Variants in ERI2 observed in about 807,000 individuals in gnomAD.
ERI2 encodes ERI1 exoribonuclease family member 2, also known as ERI1 exoribonuclease 2.
ERI2 carries 35 observed loss-of-function variants against 46.8 expected under a neutral mutation model. That is an observed-to-expected ratio of 0.75 (90% CI 0.57 to 0.99). ERI2 has a LOEUF of 0.99. ERI2 is among the 50% of genes least tolerant of loss of function. ERI2 has a pLI of 0.00. For synonymous variants in ERI2, 224 were observed against 271.0 expected (o/e 0.83, Z 1.70); for missense variants, 695 against 796.2 (o/e 0.87, Z 1.53).
chr16:20,781,012 A>G (rs564108348), intron 10 of ERI2: 12 of 1,614,074 alleles, frequency 7.4e-6, no homozygotes, highest in Admixed American at 1.7e-5. Flanking sequence ...GTGATGTGGA[A>G]TACCTCAGAT....
chr16:20,794,850 A>G (rs147498324), downstream of ERI2, among the ~76,000 whole-genome samples: 1 of 152,352 alleles, frequency 6.6e-6, no homozygotes, highest in South Asian at 2.1e-4. Flanking sequence ...CTGACTTCAG[A>G]GTTCATACTC....
intron 1 of ERI2, 183 bp downstream of exon 1, chr16:20,806,225 G>A: frequency 7.1e-7 from 1 of 1,412,812 alleles, no homozygotes; most frequent in Non-Finnish European, 9.2e-7. Flanking sequence ...GTGGCCCAAG[G>A]CTGAAGACCG....
At chr16:20,805,349 C>T (rs968455360) in intron 1 of ERI2, among the ~76,000 whole-genome samples, 11 of 151,460 alleles carry the variant, frequency 7.3e-5, no homozygotes, top group South Asian at 4.2e-4. Flanking sequence ...GACTTGAACC[C>T]GGGAGGCAGA....
Position 20,799,395 on chromosome 16 carries a change from C to T in ERI2, c.644-44G>A. 3 of 1,566,172 alleles carry T rather than the reference C, an allele frequency of 1.9e-6. No individual in the cohort carries two copies. The African/African-American group carries it at 4.1e-5, about 21-fold the overall frequency. On this transcript the variant is annotated intron_variant, in intron 7 of 8. Coordinates refer to ENST00000357967, the MANE Select transcript of ERI2 (RefSeq NM_001142725.2). ...AACACTGAATTTAGTGGTACTAGTA[C>T]TATTTCCTTAGTACTAAAGAAATAA...
downstream of ERI2, chr16:20,792,270 C>CTGAA (rs760714187): frequency 4.3e-6 from 7 of 1,614,084 alleles, no homozygotes; most frequent in South Asian, 6.6e-5. Flanking sequence ...AGAAAATGCC[C>CTGAA]TGAATGAACA....
Position 20,799,462 on chromosome 16 carries a change from G to A in ERI2, c.644-111C>T, listed in dbSNP as rs976109378. ...CCACTTGTGTAGAAATTGGAACACA[G>A]TTTTAGTTTTATGACCATCTACTAA... On this transcript the variant is annotated intron_variant, in intron 7 of 8. Transcript: ENST00000357967. The A allele has an allele frequency of 8.5e-6, 9 of 1,053,400 alleles. No individual in the cohort carries two copies. The African/African-American group carries it at 1.5e-4, about 17-fold the overall frequency. 65.3% of individuals were successfully genotyped at this position (1,053,400 alleles called of 1,614,324 possible). A position where few individuals can be genotyped will look rare whatever the true frequency, so the allele number is the denominator to read the frequency against.
rs2080584939 is a variant in ERI2 at position 20,790,988 on chromosome 16, C to T, written c.733-56G>A. Reference sequence around the variant, plus strand: ...TGATCCTCTCAATTATCAAACAAAACCCACTCATTTTCCTGAAATCCAGTT... The same window carrying T: ...TGATCCTCTCAATTATCAAACAAAATCCACTCATTTTCCTGAAATCCAGTT... On this transcript the variant is annotated intron_variant, in intron 8 of 10. Coordinates refer to the ERI2 transcript ENST00000300005. The surrounding 1 kb of genome is among the most constrained non-coding windows in gnomAD (Gnocchi z 4.0). 6 of 1,561,454 alleles carry T rather than the reference C, an allele frequency of 3.8e-6. No individual in the cohort carries two copies. The South Asian group carries it at 5.7e-5, about 15-fold the overall frequency.
chr16:20,786,537 G>A (rs1203190391), intron 10 of ERI2, among the ~76,000 whole-genome samples: 1 of 152,078 alleles, frequency 6.6e-6, no homozygotes, highest in Non-Finnish European at 1.5e-5. Context: ...TAAAAAACTA[G>A]CCAGGCATGG....
chr16:20,803,359 T>C lies in ERI2; in HGVS notation c.175+74A>G. On this transcript the variant is annotated intron_variant, in intron 3 of 8. Transcript: ENST00000357967. ...AGACCATCCTGTTTTCTTAAACTTT[T>C]GGCTGATTCAGATCTATAAACTTTA... The C allele has an allele frequency of 3.3e-6, 5 of 1,495,752 alleles. No homozygotes were observed. In the South Asian group the frequency reaches 3.9e-5, roughly 12 times the overall value. The allele number at this position is 1,495,752 out of a possible 1,614,324, so 92.7% of individuals were successfully genotyped here. A position where few individuals can be genotyped will look rare whatever the true frequency, so the allele number is the denominator to read the frequency against.
chr16:20,783,704 G>T (rs1432272474), intron 10 of ERI2: 1 of 152,110 alleles, frequency 6.6e-6, no homozygotes, highest in East Asian at 1.9e-4. Flanking sequence ...TTCAAACCTT[G>T]TCCCCAGTGA....
In ERI2 at chr16:20,797,635, T is replaced by A. The variant is rs1019049249; in HGVS notation, c.*89A>T. Reference sequence around the variant, plus strand: ...GGTAAATGCAGTAAACATTAATATATAAAATAAAAATAAAATAGTGTAAGA... The same window carrying A: ...GGTAAATGCAGTAAACATTAATATAAAAAATAAAAATAAAATAGTGTAAGA... On this transcript the variant is annotated 3_prime_UTR_variant, in exon 9 of 9. Coordinates refer to ENST00000357967, the MANE Select transcript of ERI2 (RefSeq NM_001142725.2). 2 of 1,372,120 alleles carry A rather than the reference T, an allele frequency of 1.5e-6. No homozygotes were observed. Among genetic ancestry groups the A allele is most frequent in the African/African-American group, 3.0e-5 (2 of 67,744 alleles). 85.0% of individuals were successfully genotyped at this position (1,372,120 alleles called of 1,614,324 possible). A position where few individuals can be genotyped will look rare whatever the true frequency, so the allele number is the denominator to read the frequency against.
intron 10 of ERI2, among the ~76,000 whole-genome samples, chr16:20,784,049 G>A (rs1255597725): frequency 2.0e-5 from 3 of 152,034 alleles, no homozygotes; most frequent in Admixed American, 6.6e-5. Context: ...CAGGTGATCC[G>A]CCCACCTCTA....
intron 10 of ERI2, chr16:20,785,977 T>A (rs2080465535): frequency 1.3e-6 from 1 of 741,488 alleles, no homozygotes; most frequent in Non-Finnish European, 2.1e-6. Flanking sequence ...GCCTAGTTCA[T>A]AGTAAGTTTT....
Position 20,797,046 on chromosome 16 carries a change from G to A in ERI2, c.*678C>T. 1 of 1,551,074 alleles carries A rather than the reference G, an allele frequency of 6.4e-7. No individual in the cohort carries two copies. The highest frequency in any genetic ancestry group is 8.7e-7 in the Non-Finnish European group (1 of 1,154,324). Reference sequence around the variant, plus strand: ...AATCTCTAGAAACCACAAGATGATGGAGAGGTCATAAAAACTGTGGTAGTA... The same window carrying A: ...AATCTCTAGAAACCACAAGATGATGAAGAGGTCATAAAAACTGTGGTAGTA... On this transcript the variant is annotated 3_prime_UTR_variant, in exon 9 of 9. Transcript: ENST00000357967.
chr16:20,787,793 T>C (rs2080506296), intron 10 of ERI2, among the ~76,000 whole-genome samples: 1 of 152,234 alleles, frequency 6.6e-6, no homozygotes. Context: ...GTTAAAGCTC[T>C]GTAAGTTCCA....
chr16:20,785,975 CA>C, intron 10 of ERI2: 1 of 724,844 alleles, frequency 1.4e-6, no homozygotes, highest in East Asian at 2.9e-5. Flanking sequence ...GAGCCTAGTT[CA>C]TAGTAAGTTT....
At chr16:20,783,812 A>T (rs1596527200) in intron 10 of ERI2, among the ~76,000 whole-genome samples, 1 of 147,324 alleles carries the variant, frequency 6.8e-6, no homozygotes, top group African/African-American at 2.5e-5. Context: ...CCCCGTCTCA[A>T]TTTTTTTTTT....
Position 20,797,098 on chromosome 16 carries a change from T to C in ERI2, c.*626A>G, listed in dbSNP as rs1470271975. 7.1e-7 allele frequency: 1 copy of C among 1,414,904 alleles called. No individual in the cohort carries two copies. Among genetic ancestry groups the C allele is most frequent in the Middle Eastern group, 2.6e-4 (1 of 3,824 alleles). The allele number at this position is 1,414,904 out of a possible 1,614,324, so 87.6% of individuals were successfully genotyped here. On this transcript the variant is annotated 3_prime_UTR_variant, in exon 9 of 9. Coordinates refer to ENST00000357967, the MANE Select transcript of ERI2 (RefSeq NM_001142725.2). The stretch of plus-strand genomic sequence containing the variant: ...GCTTAGAAACTGTTGATTTAAAATA[T>C]CTTGTGGTTATGATATCAGAGGCTA...
chr16:20,797,961 C>G lies in ERI2; in HGVS notation c.1839G>C (p.Pro613=). The change falls in exon 9 of 9, where the codon CCG becomes CCC. Residue 613 remains proline, a synonymous_variant. Coordinates refer to ENST00000357967, the MANE Select transcript of ERI2 (RefSeq NM_001142725.2). ...SKRLVVSNNG[P]NHGKVFYCCP... ...AACAATAGAAGACTTTTCCATGGTT[C>G]GGTCCATTATTAGAAACAACAAGTC... 6.4e-7 allele frequency: 1 copy of G among 1,551,674 alleles called. No individual in the cohort carries two copies. Among genetic ancestry groups the G allele is most frequent in the Non-Finnish European group, 8.7e-7 (1 of 1,146,914 alleles).
Sources: gnomAD v4.1 joint callset for allele counts (sites outside exome capture counted in the v4.1 genomes callset) on GRCh38, gnomAD v4.1.1 for gene constraint, Gnocchi (gnomAD v3.1) non-coding constraint, MANE v1.5 for transcripts, NCBI Gene and HGNC (gene_info 2026-07-23, HGNC 2026-07-21) for gene names.